Variants in ROBO1 observed in about 807,000 individuals in gnomAD.
The protein encoded by ROBO1 is roundabout guidance receptor 1.
In ROBO1, 149 loss-of-function variants were observed where a neutral mutation model predicts 195.9. That is an observed-to-expected ratio of 0.76 (90% CI 0.67 to 0.87). ROBO1 has a LOEUF of 0.87. Among genes scored for constraint, ROBO1 ranks in the 40% least tolerant of loss-of-function variants. The pLI is 0.00. For missense variants in ROBO1, 1,933 were observed against 2,068.3 expected, an observed-to-expected ratio of 0.93 and a Z score of 1.27; for synonymous variants, 816 against 733.2, an observed-to-expected ratio of 1.11 and a Z score of -1.82.
At chr3:78,851,302 C>T (rs1357936098) in intron 4 of ROBO1, among the ~76,000 whole-genome samples, 2 of 152,132 alleles carry the variant, frequency 1.3e-5, no homozygotes, top group East Asian at 1.9e-4. Context: ...TTACCTTTTG[C>T]TCTTAACTAG....
chr3:79,110,570 C>T (rs1423649901), intron 3 of ROBO1, among the ~76,000 whole-genome samples: 1 of 150,420 alleles, frequency 6.6e-6, no homozygotes, highest in Non-Finnish European at 1.5e-5. Flanking sequence ...ATGAGAATCT[C>T]GTATCTGTTA....
intron 2 of ROBO1, among the ~76,000 whole-genome samples, chr3:79,557,216 CT>C (rs1216417265): frequency 6.6e-6 from 1 of 151,936 alleles, no homozygotes; most frequent in African/African-American, 2.4e-5. Flanking sequence ...ATTATTTTAT[CT>C]GCAGATATCA....
chr3:78,811,607 C>T (rs1321789816), intron 4 of ROBO1, among the ~76,000 whole-genome samples: 1 of 152,030 alleles, frequency 6.6e-6, no homozygotes, highest in Non-Finnish European at 1.5e-5. Context: ...GGCCCCTCTC[C>T]TACTCACCTC....
chr3:79,600,460 G>A, intron 1 of ROBO1, among the ~76,000 whole-genome samples: 1 of 151,898 alleles, frequency 6.6e-6, no homozygotes, highest in South Asian at 2.1e-4. Flanking sequence ...AGAAAAGGGA[G>A]TGAGAGAAAA....
chr3:79,264,792 T>C (rs184044252), intron 2 of ROBO1, among the ~76,000 whole-genome samples: 75 of 152,014 alleles, frequency 4.9e-4, no homozygotes, highest in African/African-American at 1.7e-3. Context: ...TGGACAGCAA[T>C]AAGTAGGCAC....
At chr3:78,928,626 A>T (rs1384376501) in intron 4 of ROBO1, among the ~76,000 whole-genome samples, 3 of 152,168 alleles carry the variant, frequency 2.0e-5, no homozygotes, top group Non-Finnish European at 4.4e-5. Context: ...TTCCTCTTTC[A>T]TCAGTTATTG....
intron 2 of ROBO1, among the ~76,000 whole-genome samples, chr3:79,575,256 T>C (rs188118108): frequency 0.081 from 9,940 of 123,298 alleles, 549 homozygotes; most frequent in South Asian, 0.12. Flanking sequence ...AACAAATATA[T>C]ATAAATATAT....
rs1399720063 is a variant in ROBO1, at chr3:79,232,257, A to AT, written c.89-106719_89-106718insA. 2.4e-3 allele frequency among the ~76,000 whole-genome samples: 338 copies of AT among 143,120 alleles called. 5 individuals are homozygous for AT. The highest frequency in any genetic ancestry group is 7.5e-3 in the African/African-American group (273 of 36,528). The allele number at this position is 143,120 out of a possible 152,430, so 93.9% of individuals were successfully genotyped here. A position where few individuals can be genotyped will look rare whatever the true frequency, so the allele number is the denominator to read the frequency against. On this transcript the variant is annotated intron_variant, in intron 2 of 30. Coordinates refer to ENST00000464233, the MANE Select transcript of ROBO1 (RefSeq NM_002941.4). Reference sequence around the variant, plus strand: ...ACATCCTCCTTGATTTAAAAAAAAAAAAAATATATATATATAAAATCTCTC... The same window carrying AT: ...ACATCCTCCTTGATTTAAAAAAAAAATAAAATATATATATATAAAATCTCTC...
chr3:79,390,934 GA>G (rs1457064507), intron 2 of ROBO1, among the ~76,000 whole-genome samples: 2 of 152,008 alleles, frequency 1.3e-5, no homozygotes, highest in Admixed American at 1.3e-4. Flanking sequence ...GAATGGAGAT[GA>G]AAGAAGAACG....
At chr3:78,711,427 C>G (rs2081732591) in intron 8 of ROBO1, among the ~76,000 whole-genome samples, 1 of 110,782 alleles carries the variant, frequency 9.0e-6, no homozygotes, top group African/African-American at 4.0e-5. Flanking sequence ...TTCTTTCTTT[C>G]TTTCTTTCTT....
At chr3:78,651,655 T>C (rs745342587) in intron 19 of ROBO1, 77 bp downstream of exon 19, 247 of 1,216,280 alleles carry the variant, frequency 2.0e-4, no homozygotes, top group Non-Finnish European at 2.6e-4. Context: ...TGCATAATCA[T>C]GAATAATTTG....
At chr3:78,693,333 A>C (rs1291974131) in intron 8 of ROBO1, 6 of 1,550,586 alleles carry the variant, frequency 3.9e-6, no homozygotes, top group Non-Finnish European at 5.2e-6. Flanking sequence ...GATGGCCAAT[A>C]AAATGTCAAC....
At chr3:79,737,566 A>G (rs1480602569) in intron 1 of ROBO1, among the ~76,000 whole-genome samples, 1 of 152,200 alleles carries the variant, frequency 6.6e-6, no homozygotes, top group East Asian at 1.9e-4. Context: ...GAAGGCAGAG[A>G]GGCAAACAAT....
intron 4 of ROBO1, among the ~76,000 whole-genome samples, chr3:78,875,201 G>A (rs749593031): frequency 3.3e-5 from 5 of 151,786 alleles, no homozygotes; most frequent in Non-Finnish European, 5.9e-5. Context: ...CACTAATTTC[G>A]GACTTCTTAT....
At chr3:79,394,696 AG>A (rs1236573889) in intron 2 of ROBO1, among the ~76,000 whole-genome samples, 1 of 152,106 alleles carries the variant, frequency 6.6e-6, no homozygotes, top group African/African-American at 2.4e-5. Context: ...TTCTTAATAG[AG>A]TGAATGAAAC....
chr3:78,979,999 C>T lies in ROBO1; in HGVS notation c.173-41072G>A, dbSNP rs796409592. Among the ~76,000 whole-genome samples, 46 of 152,200 alleles carry T rather than the reference C, an allele frequency of 3.0e-4. 1 individual carries two copies. The highest frequency in any genetic ancestry group is 8.4e-4 in the African/African-American group (35 of 41,538). On this transcript the variant is annotated intron_variant, in intron 3 of 30. Transcript: ENST00000464233. ...AGGGTATTCCTTATATTTATTAAAA[C>T]GCACCTTGAGCATGTTACAAGTAAA...
At chr3:78,897,865 T>C (rs911572516) in intron 4 of ROBO1, among the ~76,000 whole-genome samples, 1 of 151,958 alleles carries the variant, frequency 6.6e-6, no homozygotes, top group African/African-American at 2.4e-5. Context: ...CAAAGAGATG[T>C]TCAGATTTTG....
At chr3:78,605,290 T>G (rs1430621435) in intron 29 of ROBO1, among the ~76,000 whole-genome samples, 1 of 152,216 alleles carries the variant, frequency 6.6e-6, no homozygotes, top group East Asian at 1.9e-4. Flanking sequence ...GTTTCCTTAA[T>G]AGGATGTTGA....
At chr3:78,748,479 T>C (rs1179471328) in intron 4 of ROBO1, among the ~76,000 whole-genome samples, 1 of 151,662 alleles carries the variant, frequency 6.6e-6, no homozygotes, top group African/African-American at 2.4e-5. Context: ...ATAAATCCTA[T>C]TGAATTTTTA....
Sources: allele counts gnomAD v4.1 joint callset (sites outside exome capture counted in the v4.1 genomes callset), GRCh38; gene constraint gnomAD v4.1.1; transcripts MANE v1.5; gene names NCBI Gene and HGNC (gene_info 2026-07-23, HGNC 2026-07-21).